The following RALYL variants were observed in gnomAD, a reference collection of about 807,000 sequenced individuals.
The protein encoded by RALYL is RALY RNA binding protein like, also known as RNA-binding Raly-like protein.
RALYL carries 29 observed loss-of-function variants against 35.1 expected under a neutral mutation model. The ratio of observed to expected loss-of-function variants is 0.83; its 90% CI spans 0.61 to 1.13. The LOEUF is 1.13. Among genes scored for constraint, RALYL ranks in the 50% most tolerant of loss-of-function variants. The probability of loss-of-function intolerance (pLI) is 0.00; values close to 1 mark genes in which losing one functional copy is unlikely to be tolerated. For synonymous variants in RALYL, 120 were observed against 127.6 expected, an observed-to-expected ratio of 0.94 and a Z score of 0.40; for missense variants, 359 against 360.4, an observed-to-expected ratio of 1.00 and a Z score of 0.03.
intron 3 of RALYL, among the ~76,000 whole-genome samples, chr8:84,777,411 GA>G (rs35164002): frequency 0.23 from 34,819 of 152,008 alleles, 4,225 homozygotes; most frequent in Non-Finnish European, 0.25. Context: ...CACTACATAA[GA>G]AAAAACAGAT....
chr8:84,385,005 A>G (rs1858874122), intron 1 of RALYL, among the ~76,000 whole-genome samples: 1 of 151,736 alleles, frequency 6.6e-6, no homozygotes, highest in African/African-American at 2.4e-5. Flanking sequence ...GATAAAGAGA[A>G]CCTATTGGTA....
intron 1 of RALYL, among the ~76,000 whole-genome samples, chr8:84,252,586 G>T (rs2130985): frequency 0.44 from 66,254 of 151,894 alleles, 14,606 homozygotes; most frequent in East Asian, 0.52. Context: ...ATGACAACAG[G>T]CCATTTAGGG....
intron 3 of RALYL, among the ~76,000 whole-genome samples, chr8:84,788,524 G>A (rs141345595): frequency 5.1e-4 from 78 of 152,322 alleles, no homozygotes; most frequent in African/African-American, 1.5e-3. Context: ...CAATAGTGAA[G>A]GTTTTGGGAG....
chr8:84,405,652 TAC>T (rs2043400379), intron 1 of RALYL, among the ~76,000 whole-genome samples: 1 of 152,146 alleles, frequency 6.6e-6, no homozygotes, highest in African/African-American at 2.4e-5. Context: ...TCTCAAGAGT[TAC>T]AGTTTTAAAG....
chr8:84,794,806 C>T (rs1408564802), intron 3 of RALYL, among the ~76,000 whole-genome samples: 1 of 152,172 alleles, frequency 6.6e-6, no homozygotes, highest in Non-Finnish European at 1.5e-5. Context: ...GTTCTTTATC[C>T]TTCACCTCCA....
At chr8:84,509,932 C>T (rs1006990014) in intron 1 of RALYL, among the ~76,000 whole-genome samples, 2 of 152,110 alleles carry the variant, frequency 1.3e-5, no homozygotes, top group Non-Finnish European at 2.9e-5. Flanking sequence ...TATTGAGTCT[C>T]AAAGTTGGGT....
intron 2 of RALYL, among the ~76,000 whole-genome samples, chr8:84,627,955 C>T (rs538105778): frequency 3.3e-5 from 5 of 152,098 alleles, no homozygotes; most frequent in Admixed American, 6.5e-5. Context: ...CCATTTGGAC[C>T]GTTATATTAG....
chr8:84,723,203 T>A (rs1355345380), intron 2 of RALYL, among the ~76,000 whole-genome samples: 1 of 152,052 alleles, frequency 6.6e-6, no homozygotes, highest in East Asian at 1.9e-4. Flanking sequence ...AGATTTGTTT[T>A]ATTGAGGAAG....
At chr8:84,427,393 G>A (rs1043223470) in intron 1 of RALYL, among the ~76,000 whole-genome samples, 2 of 152,150 alleles carry the variant, frequency 1.3e-5, no homozygotes, top group African/African-American at 4.8e-5. Flanking sequence ...GAAGGTTTCT[G>A]GACTACATCC....
chr8:84,850,641 A>G (rs1835656035), intron 5 of RALYL, among the ~76,000 whole-genome samples: 1 of 152,268 alleles, frequency 6.6e-6, no homozygotes. Context: ...ATAATTTAAA[A>G]CAATAAAATA....
chr8:84,882,683 A>G (rs1250978105), intron 7 of RALYL, among the ~76,000 whole-genome samples: 2 of 151,998 alleles, frequency 1.3e-5, no homozygotes, highest in Non-Finnish European at 2.9e-5. Context: ...AATAATAAAA[A>G]TGTTTCTGAC....
intron 2 of RALYL, among the ~76,000 whole-genome samples, chr8:84,726,913 A>C (rs562349506): frequency 4.6e-5 from 7 of 152,220 alleles, no homozygotes; most frequent in African/African-American, 1.4e-4. Flanking sequence ...GTAGTTAACA[A>C]AATGCCTTTG....
rs1348305254 is a variant in RALYL at position 84,769,264 on chromosome 8, C to A, written c.257-5315C>A. 2.0e-5 allele frequency among the ~76,000 whole-genome samples: 3 copies of A among 152,116 alleles called. No homozygotes were observed. In the East Asian group the frequency reaches 5.8e-4, roughly 29 times the overall value. On this transcript the variant is annotated intron_variant, in intron 2 of 8. Transcript: ENST00000521268. ...GATCTGGCTGTGCCTTATTCTAAGT[C>A]ATACAAGAGTCACTATTTTCCTGAG...
At chr8:84,351,055 A>T (rs1850795205) in intron 1 of RALYL, among the ~76,000 whole-genome samples, 1 of 149,970 alleles carries the variant, frequency 6.7e-6, no homozygotes, top group African/African-American at 2.5e-5. Context: ...AATAATAATG[A>T]TGAATAATTT....
chr8:84,503,867 G>GA (rs35719322), intron 1 of RALYL, among the ~76,000 whole-genome samples: 65,445 of 147,644 alleles, frequency 0.44, 14,312 homozygotes, highest in East Asian at 0.52. Context: ...CTGTCTCAAA[G>GA]AAAAAAAAAT....
intron 2 of RALYL, among the ~76,000 whole-genome samples, chr8:84,745,746 C>T (rs1016759694): frequency 1.1e-4 from 17 of 152,058 alleles, no homozygotes; most frequent in African/African-American, 4.1e-4. Flanking sequence ...TTGTTCTAGT[C>T]ATTGGACCTA....
chr8:84,832,563 T>C (rs557374636), intron 4 of RALYL, among the ~76,000 whole-genome samples: 2 of 152,208 alleles, frequency 1.3e-5, no homozygotes, highest in East Asian at 1.9e-4. Flanking sequence ...ATCAGTTTGG[T>C]TGGGGAGAGT....
At chr8:84,603,027 TA>T (rs1251620699) in intron 2 of RALYL, among the ~76,000 whole-genome samples, 7 of 151,808 alleles carry the variant, frequency 4.6e-5, no homozygotes, top group African/African-American at 1.7e-4. Flanking sequence ...AACAGAAAAA[TA>T]AAGAATATAA....
rs560421965 is a variant in RALYL, at chr8:84,246,026, A to G, written c.-24+61602A>G. Among the ~76,000 whole-genome samples the G allele has an allele frequency of 1.2e-4, 18 of 152,298 alleles. 1 individual carries two copies. In the South Asian group the frequency reaches 3.7e-3, roughly 32 times the overall value. On this transcript the variant is annotated intron_variant, in intron 1 of 8. Transcript: ENST00000521268. ...TATCATGTGTTGGTATTCAGAAGCC[A>G]AAGGAAGATGGTAAAATGGTAGCAG...
Sources: allele counts gnomAD v4.1 joint callset (sites outside exome capture counted in the v4.1 genomes callset), GRCh38; gene constraint gnomAD v4.1.1; transcripts MANE v1.5; gene names NCBI Gene and HGNC (gene_info 2026-07-23, HGNC 2026-07-21).